GNG7: variants seen among roughly 807,000 people sequenced by gnomAD.
GNG7 encodes guanine nucleotide-binding protein G(I)/G(S)/G(O) subunit gamma-7.
Under a neutral mutation model 4.0 loss-of-function variants are expected in GNG7, and 1 was observed. The ratio of observed to expected loss-of-function variants is 0.25; its 90% CI spans 0.09 to 1.18. The LOEUF (loss-of-function observed/expected upper bound fraction) is 1.18. Ranked by LOEUF, GNG7 falls within the 50% of genes most tolerant of loss-of-function variation. The pLI, the probability that GNG7 is intolerant of heterozygous loss-of-function variation, is 0.50. For synonymous variants in GNG7, 34 were observed against 36.9 expected (o/e 0.92, Z 0.29); for missense variants, 86 against 91.9 (o/e 0.94, Z 0.26).
intron 2 of GNG7, among the ~76,000 whole-genome samples, chr19:2,562,398 C>A (rs916193524): frequency 6.6e-6 from 1 of 152,136 alleles, no homozygotes; most frequent in African/African-American, 2.4e-5. Context: ...ATTCTCCTGC[C>A]TCAGCCTCCC....
At chr19:2,692,025 C>G (rs957690847) in intron 1 of GNG7, among the ~76,000 whole-genome samples, 1 of 152,178 alleles carries the variant, frequency 6.6e-6, no homozygotes, top group African/African-American at 2.4e-5. Context: ...TCCCTGGAGC[C>G]TCTAGAAGGA....
At chr19:2,548,471 GCT>G (rs1164349415) in intron 3 of GNG7, among the ~76,000 whole-genome samples, 1 of 111,240 alleles carries the variant, frequency 9.0e-6, no homozygotes, top group African/African-American at 3.7e-5. Context: ...ACAGAGCGAG[GCT>G]CTGTCTGGAA....
chr19:2,541,470 C>T (rs1978959920), intron 3 of GNG7, among the ~76,000 whole-genome samples: 1 of 151,580 alleles, frequency 6.6e-6, no homozygotes, highest in Non-Finnish European at 1.5e-5. Context: ...GGCAGTGGCT[C>T]ACGCCTGTAA....
chr19:2,693,905 G>A (rs1041818345), intron 1 of GNG7, among the ~76,000 whole-genome samples: 17 of 152,100 alleles, frequency 1.1e-4, no homozygotes, highest in African/African-American at 3.6e-4. Flanking sequence ...TCCTCTTGGA[G>A]GCTCTCAGAG....
intron 1 of GNG7, among the ~76,000 whole-genome samples, chr19:2,661,731 C>T (rs564957222): frequency 5.0e-4 from 75 of 150,980 alleles, no homozygotes; most frequent in Non-Finnish European, 8.9e-4. Context: ...GAAGGAACGA[C>T]TCATTTGGGC....
chr19:2,538,072 C>T, intron 3 of GNG7: 1 of 305,252 alleles, frequency 3.3e-6, no homozygotes, highest in South Asian at 2.6e-5. Flanking sequence ...GCAAGACTCT[C>T]TCTCAAACAA....
chr19:2,592,906 AAAG>A (rs1980891873), intron 2 of GNG7, among the ~76,000 whole-genome samples: 1 of 136,990 alleles, frequency 7.3e-6, no homozygotes, highest in African/African-American at 3.0e-5. Context: ...GGAAGGAAGG[AAAG>A]AAGGAAGGAA....
At chr19:2,543,934 T>C (rs893545879) in intron 3 of GNG7, among the ~76,000 whole-genome samples, 6 of 152,214 alleles carry the variant, frequency 3.9e-5, no homozygotes, top group East Asian at 1.9e-4. Context: ...CCAGTAGCTT[T>C]ATAGCTCGCA....
rs1442004194 is a variant in GNG7 at position 2,626,466 on chromosome 19, T to G, written c.-78+19758A>C. ...TGCCCTCGGGATAAAATGCAGCCTC[T>G]GCCGTGCGGCCTCCTCACTCCCTCC... is the stretch of plus-strand genomic sequence containing the variant. On this transcript the variant is annotated intron_variant, in intron 2 of 4. Transcript: ENST00000382159. The surrounding 1 kb of genome is among the most constrained non-coding windows in gnomAD (Gnocchi z 5.0). 3.3e-5 allele frequency among the ~76,000 whole-genome samples: 5 copies of G among 152,186 alleles called. No homozygotes were observed. The highest frequency in any genetic ancestry group is 7.4e-5 in the Non-Finnish European group (5 of 68,016).
intron 1 of GNG7, among the ~76,000 whole-genome samples, chr19:2,664,201 G>A (rs1983247235): frequency 6.6e-6 from 1 of 152,202 alleles, no homozygotes; most frequent in Non-Finnish European, 1.5e-5. Context: ...GCCAGCACGT[G>A]GCAGGGGCGT....
chr19:2,656,400 A>G lies in GNG7; in HGVS notation c.-134-10120T>C, dbSNP rs375273139. Among the ~76,000 whole-genome samples the G allele has an allele frequency of 3.9e-5, 6 of 152,278 alleles. No individual in the cohort carries two copies. In the East Asian group the frequency reaches 5.8e-4, roughly 15 times the overall value. On this transcript the variant is annotated intron_variant, in intron 1 of 4. Transcript: ENST00000382159. Reference sequence around the variant, plus strand: ...AGGCGGATCACAAGGTTAGGAGTTCAAGACCAGCCTGGCCAACATGGCGAA... The same window carrying G: ...AGGCGGATCACAAGGTTAGGAGTTCGAGACCAGCCTGGCCAACATGGCGAA...
At chr19:2,564,518 G>C (rs532410912) in intron 2 of GNG7, among the ~76,000 whole-genome samples, 1 of 152,264 alleles carries the variant, frequency 6.6e-6, no homozygotes, top group South Asian at 2.1e-4. Context: ...AGGTTGCAAT[G>C]AGCCAAGATG....
intron 2 of GNG7, among the ~76,000 whole-genome samples, chr19:2,588,957 C>G (rs1361878407): frequency 1.3e-5 from 2 of 152,194 alleles, no homozygotes; most frequent in Non-Finnish European, 2.9e-5. Flanking sequence ...AAGATGGAGT[C>G]TCCCTCTGTG....
chr19:2,576,704 AT>A (rs1465053900), intron 2 of GNG7, among the ~76,000 whole-genome samples: 1 of 150,264 alleles, frequency 6.7e-6, no homozygotes, highest in Non-Finnish European at 1.5e-5. Context: ...GTACCAGCCC[AT>A]CTGGGTAATT....
intron 1 of GNG7, among the ~76,000 whole-genome samples, chr19:2,663,088 G>C (rs781442357): frequency 6.6e-6 from 1 of 152,178 alleles, no homozygotes; most frequent in Non-Finnish European, 1.5e-5. Flanking sequence ...TTTAAGCTAA[G>C]TGTTGGGGTA....
intron 2 of GNG7, among the ~76,000 whole-genome samples, chr19:2,638,299 T>C (rs567429044): frequency 1.2e-4 from 18 of 149,124 alleles, no homozygotes; most frequent in African/African-American, 4.2e-4. Flanking sequence ...GAGGCAGAGG[T>C]TGCAGTGAGC....
In GNG7 at chr19:2,611,837, A is replaced by T. The variant is rs1262090793; in HGVS notation, c.-78+34387T>A. ...GGCGACAGAGGGAGATTCTGTCTCT[A>T]AAAAAATAAAAAGTAAAAGTAAAAG... On this transcript the variant is annotated intron_variant, in intron 2 of 4. Transcript: ENST00000382159. The surrounding 1 kb of genome is among the most constrained non-coding windows in gnomAD (Gnocchi z 6.0). 2 of 152,186 alleles carry T rather than the reference A, an allele frequency of 1.3e-5. No individual in the cohort carries two copies. The highest frequency in any genetic ancestry group is 2.1e-4 in the South Asian group (1 of 4,828). 9.4% of individuals were successfully genotyped at this position (152,186 alleles called of 1,614,324 possible).
At position 2,633,604 on chromosome 19, in the gene GNG7, G is replaced by T. The variant is rs1289014463; in HGVS notation, c.-78+12620C>A. On this transcript the variant is annotated intron_variant, in intron 2 of 4. Coordinates refer to ENST00000382159, the MANE Select transcript of GNG7 (RefSeq NM_052847.3). This position sits in a 1 kb window ranked among gnomAD's most constrained non-coding sequence, Gnocchi z 5.9. ...GTGGTCGTGGATGTGAGCCTCTCTG[G>T]GTATGGAGCCTCAATCAGTAGAGTC... Among the ~76,000 whole-genome samples the T allele has an allele frequency of 6.6e-6, 1 of 151,806 alleles. No individual in the cohort carries two copies. Among genetic ancestry groups the T allele is most frequent in the Non-Finnish European group, 1.5e-5 (1 of 67,976 alleles).
intron 3 of GNG7, among the ~76,000 whole-genome samples, chr19:2,552,765 A>G (rs534747682): frequency 1.7e-4 from 25 of 151,440 alleles, no homozygotes; most frequent in African/African-American, 5.3e-4. Context: ...TTATTTTATT[A>G]TATATTACAA....
Sources: gnomAD v4.1 joint callset for allele counts (sites outside exome capture counted in the v4.1 genomes callset) on GRCh38, gnomAD v4.1.1 for gene constraint, Gnocchi (gnomAD v3.1) non-coding constraint, MANE v1.5 for transcripts, NCBI Gene and HGNC (gene_info 2026-07-23, HGNC 2026-07-21) for gene names.